Variants in LARGE1 observed in about 807,000 individuals in gnomAD.
LARGE1 encodes the protein xylosyl- and glucuronyltransferase LARGE1.
In LARGE1, 43 loss-of-function variants were observed where a neutral mutation model predicts 87.6. The ratio of observed to expected loss-of-function variants is 0.49; its 90% confidence interval spans 0.38 to 0.63. LARGE1 has a LOEUF of 0.63. LARGE1 is among the 30% of genes least tolerant of loss of function. The probability of loss-of-function intolerance (pLI) is 0.00; values close to 1 mark genes in which losing one functional copy is unlikely to be tolerated. For missense variants in LARGE1, 802 were observed against 1,000.2 expected, an observed-to-expected ratio of 0.80 and a Z score of 2.67; for synonymous variants, 434 against 394.6, an observed-to-expected ratio of 1.10 and a Z score of -1.18.
chr22:33,126,243 G>A, the LARGE1 span, among the ~76,000 whole-genome samples: 10 of 152,258 alleles, frequency 6.6e-5, no homozygotes, highest in East Asian at 1.4e-3. Flanking sequence ...AAAATCTTTC[G>A]AACAGAGCAG....
chr22:33,743,373 C>T (rs2083960516), intron 2 of LARGE1, among the ~76,000 whole-genome samples: 2 of 152,160 alleles, frequency 1.3e-5, no homozygotes, highest in Non-Finnish European at 2.9e-5. Context: ...TCCCACACAG[C>T]TCTTCCCACC....
intron 9 of LARGE1, among the ~76,000 whole-genome samples, chr22:33,342,563 G>T (rs1392049624): frequency 6.6e-6 from 1 of 152,102 alleles, no homozygotes; most frequent in Non-Finnish European, 1.5e-5. Context: ...GTCCTAAAGG[G>T]CTGAGCATTT....
At chr22:33,418,041 G>A (rs1019651128) in intron 7 of LARGE1, among the ~76,000 whole-genome samples, 11 of 152,024 alleles carry the variant, frequency 7.2e-5, no homozygotes, top group East Asian at 1.9e-4. Flanking sequence ...TCCACCTCCC[G>A]GGTTCAAGCA....
In LARGE1 at chr22:33,862,433, C is replaced by T. The variant is rs376169497; in HGVS notation, c.-83+57562G>A. ...CGATCTTCTCAGGGAAGAGGATTGA[C>T]GGCAGTCGCTGAGCAAAGAGGCTCC... On this transcript the variant is annotated intron_variant, in intron 1 of 14. Transcript: ENST00000397394. Among the ~76,000 whole-genome samples, 166 of 152,292 alleles carry T rather than the reference C, an allele frequency of 1.1e-3. 1 individual carries two copies. The highest frequency in any genetic ancestry group is 4.6e-3 in the South Asian group (22 of 4,824).
At chr22:33,352,237 C>T (rs1358689379) in intron 9 of LARGE1, among the ~76,000 whole-genome samples, 1 of 152,138 alleles carries the variant, frequency 6.6e-6, no homozygotes, top group Admixed American at 6.6e-5. Flanking sequence ...ACTAGACAAA[C>T]CAACTTAAGG....
intron 5 of LARGE1, among the ~76,000 whole-genome samples, chr22:33,596,953 G>A (rs1233928572): frequency 6.6e-6 from 1 of 152,186 alleles, no homozygotes; most frequent in East Asian, 1.9e-4. Flanking sequence ...TGAACTGGGG[G>A]ATTCAGAAGG....
At chr22:33,115,551 C>T in the LARGE1 span, among the ~76,000 whole-genome samples, 2 of 151,876 alleles carry the variant, frequency 1.3e-5, no homozygotes, top group African/African-American at 4.8e-5. Context: ...GGCGAGGTGG[C>T]TCATGCCTGT....
chr22:33,427,749 G>A (rs892785251), intron 7 of LARGE1, among the ~76,000 whole-genome samples: 7 of 152,230 alleles, frequency 4.6e-5, no homozygotes, highest in Non-Finnish European at 8.8e-5. Flanking sequence ...CCAGGCACAC[G>A]TGGCTGCGCC....
intron 9 of LARGE1, among the ~76,000 whole-genome samples, chr22:33,359,237 G>C (rs977599005): frequency 1.3e-5 from 2 of 152,154 alleles, no homozygotes; most frequent in Non-Finnish European, 2.9e-5. Context: ...AGAGGAAAAT[G>C]CTGCGGACTT....
At chr22:33,226,372 G>C (rs2145639898) in intron 11 of LARGE1, among the ~76,000 whole-genome samples, 1 of 152,284 alleles carries the variant, frequency 6.6e-6, no homozygotes, top group South Asian at 2.1e-4. Flanking sequence ...CAAACACAAG[G>C]TCTTCAGGTT....
intron 7 of LARGE1, among the ~76,000 whole-genome samples, chr22:33,401,651 T>C (rs2065929224): frequency 1.3e-5 from 2 of 152,052 alleles, no homozygotes; most frequent in Non-Finnish European, 2.9e-5. Flanking sequence ...GGTGCCCTCA[T>C]GTGAAGAAGC....
the LARGE1 span, among the ~76,000 whole-genome samples, chr22:33,118,656 A>G: frequency 3.3e-5 from 5 of 152,316 alleles, no homozygotes; most frequent in Middle Eastern, 3.4e-3. Context: ...TCACAGATGT[A>G]GGCTGTGGTA....
intron 1 of LARGE1, among the ~76,000 whole-genome samples, chr22:33,894,801 A>C (rs908312123): frequency 5.3e-5 from 8 of 152,122 alleles, no homozygotes; most frequent in African/African-American, 1.4e-4. Context: ...CCACCTCATC[A>C]GGCTGTTGGG....
rs963391298 is a variant in LARGE1, at chr22:33,463,429, T to C, written c.788-31164A>G. On this transcript the variant is annotated intron_variant, in intron 6 of 14. Transcript: ENST00000397394. ...GATGTACAAGACTTTAAGGGGAATATTGCAAAATGTTATTGGATGATATTA... is the reference window on the plus strand; with the variant it reads ...GATGTACAAGACTTTAAGGGGAATACTGCAAAATGTTATTGGATGATATTA... Among the ~76,000 whole-genome samples, 9 of 152,080 alleles carry C rather than the reference T, an allele frequency of 5.9e-5. No homozygotes were observed. In the East Asian group the frequency reaches 7.7e-4, roughly 13 times the overall value.
chr22:33,695,790 T>G (rs1187406341), intron 2 of LARGE1, among the ~76,000 whole-genome samples: 1 of 152,198 alleles, frequency 6.6e-6, no homozygotes, highest in East Asian at 1.9e-4. Flanking sequence ...TGGGAAAATT[T>G]TGACAATGCA....
the LARGE1 span, among the ~76,000 whole-genome samples, chr22:33,116,530 AT>A: frequency 0.078 from 10,752 of 137,058 alleles, 485 homozygotes; most frequent in Middle Eastern, 0.17. Context: ...AATTTTTTGT[AT>A]TTTTTTTTTT....
At chr22:33,681,216 G>T (rs1177786856) in intron 2 of LARGE1, among the ~76,000 whole-genome samples, 4 of 152,166 alleles carry the variant, frequency 2.6e-5, no homozygotes, top group Non-Finnish European at 4.4e-5. Context: ...GGGCTGTATT[G>T]CTCTGAATAT....
chr22:33,601,745 G>A (rs1416717746), intron 5 of LARGE1, among the ~76,000 whole-genome samples: 1 of 152,176 alleles, frequency 6.6e-6, no homozygotes, highest in African/African-American at 2.4e-5. Context: ...CATCGGGTTA[G>A]AGGACAGGAC....
intron 9 of LARGE1, among the ~76,000 whole-genome samples, chr22:33,339,805 A>T (rs941874096): frequency 6.6e-6 from 1 of 152,120 alleles, no homozygotes; most frequent in Non-Finnish European, 1.5e-5. Context: ...AATAGCTGGG[A>T]CCAGGCACAT....
Sources: gnomAD v4.1 joint callset for allele counts (sites outside exome capture counted in the v4.1 genomes callset) on GRCh38, gnomAD v4.1.1 for gene constraint, MANE v1.5 for transcripts, NCBI Gene and HGNC (gene_info 2026-07-23, HGNC 2026-07-21) for gene names.